The following PTPRG variants were observed in gnomAD, a reference collection of about 807,000 sequenced individuals.
PTPRG encodes the protein receptor-type tyrosine-protein phosphatase gamma.
In PTPRG, 102 loss-of-function variants were observed where a neutral mutation model predicts 165.3. That is an observed-to-expected ratio of 0.62 (90% CI 0.53 to 0.73). The LOEUF (loss-of-function observed/expected upper bound fraction) is 0.73, where lower values mean the gene tolerates loss of function less well. Among genes scored for constraint, PTPRG ranks in the 30% least tolerant of loss-of-function variants. PTPRG has a pLI of 0.00. For synonymous variants in PTPRG, 675 were observed against 669.5 expected (o/e 1.01, Z -0.13); for missense variants, 1,866 against 1,861.4 (o/e 1.00, Z -0.05).
chr3:62,044,224 C>G (rs1423785358), intron 4 of PTPRG, among the ~76,000 whole-genome samples: 1 of 152,232 alleles, frequency 6.6e-6, no homozygotes, highest in African/African-American at 2.4e-5. Context: ...TAACCTCTCT[C>G]TGCTCAGTTT....
chr3:61,711,809 T>G (rs899900797), intron 1 of PTPRG, among the ~76,000 whole-genome samples: 1 of 152,166 alleles, frequency 6.6e-6, no homozygotes. Flanking sequence ...AATTTACATT[T>G]GTCTGTCTCT....
At chr3:61,656,721 TC>T (rs1702519227) in intron 1 of PTPRG, among the ~76,000 whole-genome samples, 1 of 152,234 alleles carries the variant, frequency 6.6e-6, no homozygotes, top group Non-Finnish European at 1.5e-5. Context: ...TGTCCAACAT[TC>T]TTGTAGATTG....
Position 61,955,910 on chromosome 3 carries a change from T to C in PTPRG, c.191-33715T>C, listed in dbSNP as rs1260093382. Among the ~76,000 whole-genome samples the C allele has an allele frequency of 3.9e-5, 6 of 152,108 alleles. No individual in the cohort carries two copies. The East Asian group carries it at 5.8e-4, about 15-fold the overall frequency. ...CTGTGGAGTGTCAACAGAAATCTTA[T>C]TTGTTCTTTACTCCTAAAATAGGAG... On this transcript the variant is annotated intron_variant, in intron 2 of 29. Transcript: ENST00000474889.
At chr3:61,847,445 C>T (rs1425440815) in intron 2 of PTPRG, among the ~76,000 whole-genome samples, 1 of 152,162 alleles carries the variant, frequency 6.6e-6, no homozygotes, top group Non-Finnish European at 1.5e-5. Flanking sequence ...TGTGAGACAA[C>T]AACTGTTGTT....
At chr3:62,071,546 A>T (rs1701211192) in intron 4 of PTPRG, among the ~76,000 whole-genome samples, 1 of 152,218 alleles carries the variant, frequency 6.6e-6, no homozygotes, top group Non-Finnish European at 1.5e-5. Flanking sequence ...TGATACACTC[A>T]GTCAGCTTTG....
Position 62,203,406 on chromosome 3 carries a change from C to T in PTPRG, c.1611C>T (p.Arg537=). Residue 537 remains arginine, a synonymous_variant, in exon 12 of 30, where the codon CGC becomes CGT. Transcript: ENST00000474889. This position sits in a 1 kb window ranked among gnomAD's most constrained non-coding sequence, Gnocchi z 6.4. ...TCCCCAGCACTGTGTGGCCCACGCGCCTCCCGACGGCCGCCTCAGCCAGCA... is the reference window on the plus strand; with the variant it reads ...TCCCCAGCACTGTGTGGCCCACGCGTCTCCCGACGGCCGCCTCAGCCAGCA... ...SSFPSTVWPT[R]LPTAASASKQ... The T allele has an allele frequency of 6.2e-7, 1 of 1,612,368 alleles. No individual in the cohort carries two copies. The highest frequency in any genetic ancestry group is 8.5e-7 in the Non-Finnish European group (1 of 1,179,546).
Position 61,953,914 on chromosome 3 carries a change from T to C in PTPRG, c.191-35711T>C, listed in dbSNP as rs146180591. Among the ~76,000 whole-genome samples, 682 of 152,306 alleles carry C rather than the reference T, an allele frequency of 4.5e-3. 6 individuals are homozygous for C. The highest frequency in any genetic ancestry group is 0.015 in the African/African-American group (623 of 41,564). ...CTTCAGATGCTTTGACCTGTTCCTA[T>C]AGTGACTTTGTCACATGATTCTGAA... On this transcript the variant is annotated intron_variant, in intron 2 of 29. Transcript: ENST00000474889.
intron 2 of PTPRG, among the ~76,000 whole-genome samples, chr3:61,894,313 A>AAAAAAAAAAAAAAAAAAAAAAG (rs2038294822): frequency 1.7e-5 from 2 of 115,860 alleles, no homozygotes; most frequent in African/African-American, 8.1e-5. Context: ...AAAAAAAAAA[A>AAAAAAAAAAAAAAAAAAAAAAG]AAAAAAAAAA....
intron 2 of PTPRG, among the ~76,000 whole-genome samples, chr3:61,864,420 G>T (rs1369916370): frequency 6.6e-6 from 1 of 152,040 alleles, no homozygotes; most frequent in African/African-American, 2.4e-5. Context: ...TGTCCCGATC[G>T]CTGAGTATGG....
At chr3:61,698,344 C>A (rs1212871393) in intron 1 of PTPRG, among the ~76,000 whole-genome samples, 2 of 152,098 alleles carry the variant, frequency 1.3e-5, no homozygotes, top group African/African-American at 4.8e-5. Context: ...CTTTGCAGGT[C>A]ATACCTTGTC....
At chr3:61,585,987 A>G (rs1377008436) in intron 1 of PTPRG, among the ~76,000 whole-genome samples, 1 of 152,226 alleles carries the variant, frequency 6.6e-6, no homozygotes, top group Non-Finnish European at 1.5e-5. Context: ...GGAATATGAA[A>G]AGACACTGAT....
intron 2 of PTPRG, among the ~76,000 whole-genome samples, chr3:61,824,141 A>T (rs6795554): frequency 1.3e-5 from 2 of 151,844 alleles, no homozygotes; most frequent in Admixed American, 6.6e-5. Context: ...AAAAAAAAAG[A>T]TGATGAAAAA....
At chr3:61,709,448 G>A (rs865996030) in intron 1 of PTPRG, among the ~76,000 whole-genome samples, 1 of 152,014 alleles carries the variant, frequency 6.6e-6, no homozygotes, top group South Asian at 2.1e-4. Flanking sequence ...CCGAATAGCT[G>A]GGATTACAGG....
chr3:62,230,491 A>C (rs1700876592), intron 13 of PTPRG, among the ~76,000 whole-genome samples: 1 of 152,232 alleles, frequency 6.6e-6, no homozygotes, highest in African/African-American at 2.4e-5. Flanking sequence ...CCTATAGCCC[A>C]GCTGGTTTGG....
At chr3:62,096,962 A>AC (rs1475587639) in intron 5 of PTPRG, among the ~76,000 whole-genome samples, 2 of 152,194 alleles carry the variant, frequency 1.3e-5, no homozygotes, top group Non-Finnish European at 2.9e-5. Flanking sequence ...TACACAGTTT[A>AC]CTAGCCCATC....
intron 2 of PTPRG, among the ~76,000 whole-genome samples, chr3:61,904,530 A>C (rs1488316314): frequency 6.6e-6 from 1 of 152,078 alleles, no homozygotes; most frequent in African/African-American, 2.4e-5. Context: ...ATGCCTATAG[A>C]CTGCCAATTT....
rs572471077 is a variant in PTPRG at position 62,225,211 on chromosome 3, G to A, written c.2289-6014G>A. On this transcript the variant is annotated intron_variant, in intron 13 of 29. Coordinates refer to ENST00000474889, the MANE Select transcript of PTPRG (RefSeq NM_002841.4). ...TCAGATACTGCATTCCAAGAGCTTC[G>A]CATCCCCTGCCTTACCAAGACAAGC... 2.4e-4 allele frequency among the ~76,000 whole-genome samples: 36 copies of A among 152,262 alleles called. 1 individual carries two copies. In the South Asian group the frequency reaches 6.4e-3, roughly 27 times the overall value.
At chr3:61,884,310 G>A (rs2037969729) in intron 2 of PTPRG, among the ~76,000 whole-genome samples, 1 of 152,126 alleles carries the variant, frequency 6.6e-6, no homozygotes, top group Non-Finnish European at 1.5e-5. Flanking sequence ...GAAGGCACAT[G>A]GTATACCAGC....
At chr3:61,713,327 AT>A (rs556907427) in intron 1 of PTPRG, among the ~76,000 whole-genome samples, 8,483 of 135,408 alleles carry the variant, frequency 0.063, 251 homozygotes, top group South Asian at 0.088. Flanking sequence ...CGCTCAGCTA[AT>A]TTTTTTTTTT....
Sources: gnomAD v4.1 joint callset for allele counts (sites outside exome capture counted in the v4.1 genomes callset) on GRCh38, gnomAD v4.1.1 for gene constraint, Gnocchi (gnomAD v3.1) non-coding constraint, MANE v1.5 for transcripts, NCBI Gene and HGNC (gene_info 2026-07-23, HGNC 2026-07-21) for gene names.